ROBO2: variants seen among roughly 807,000 people sequenced by gnomAD.
ROBO2 encodes roundabout homolog 2.
Under a neutral mutation model 160.8 loss-of-function variants are expected in ROBO2, and 53 were observed. That is an observed-to-expected ratio of 0.33 (90% CI 0.26 to 0.41). ROBO2 has a LOEUF of 0.41. Among genes scored for constraint, ROBO2 ranks in the 10% least tolerant of loss-of-function variants. ROBO2 has a pLI of 1.00. For missense variants in ROBO2, 1,577 were observed against 1,722.4 expected, an observed-to-expected ratio of 0.92 and a Z score of 1.49; for synonymous variants, 664 against 611.7, an observed-to-expected ratio of 1.09 and a Z score of -1.26.
intron 1 of ROBO2, among the ~76,000 whole-genome samples, chr3:77,053,343 AT>A (rs1481600232): frequency 6.6e-6 from 1 of 152,222 alleles, no homozygotes; most frequent in South Asian, 2.1e-4. Context: ...TTTTAAACTT[AT>A]TTTTTATATA....
chr3:77,269,774 T>G (rs778330557), intron 2 of ROBO2, among the ~76,000 whole-genome samples: 1 of 152,184 alleles, frequency 6.6e-6, no homozygotes, highest in African/African-American at 2.4e-5. Context: ...ATATTCTGCT[T>G]ACCATGTATT....
At chr3:76,035,619 T>G (rs540719413) in intron 2 of ROBO2, among the ~76,000 whole-genome samples, 185 of 152,080 alleles carry the variant, frequency 1.2e-3, no homozygotes, top group Non-Finnish European at 2.2e-3. Flanking sequence ...TTTGATGTGC[T>G]TGCTTTCCAA....
At chr3:77,459,944 G>A (rs1295834047) in intron 2 of ROBO2, among the ~76,000 whole-genome samples, 22 of 127,530 alleles carry the variant, frequency 1.7e-4, no homozygotes, top group Non-Finnish European at 5.4e-5. Flanking sequence ...GGGTGGTGGA[G>A]TGGGTGGGGG....
At chr3:76,797,320 A>T (rs1340598106) in intron 2 of ROBO2, among the ~76,000 whole-genome samples, 3 of 152,170 alleles carry the variant, frequency 2.0e-5, no homozygotes, top group Admixed American at 6.5e-5. Context: ...GAAATTAAAC[A>T]ATGTCCTCTT....
intron 2 of ROBO2, among the ~76,000 whole-genome samples, chr3:76,858,837 T>C (rs934048106): frequency 6.6e-6 from 1 of 152,184 alleles, no homozygotes; most frequent in Admixed American, 6.5e-5. Flanking sequence ...GTATCAACTT[T>C]GGTGGAGCAG....
chr3:77,036,154 A>G (rs1323492240), upstream of ROBO2, among the ~76,000 whole-genome samples: 1 of 151,938 alleles, frequency 6.6e-6, no homozygotes, highest in Non-Finnish European at 1.5e-5. Flanking sequence ...CCTTTCATTA[A>G]CTTGGGTTGA....
intron 2 of ROBO2, among the ~76,000 whole-genome samples, chr3:77,033,641 ATTGTCT>A (rs552567816): frequency 6.6e-6 from 1 of 152,158 alleles, no homozygotes; most frequent in Non-Finnish European, 1.5e-5. Context: ...TTCCATTGAC[ATTGTCT>A]ATACTAGTCA....
intron 2 of ROBO2, among the ~76,000 whole-genome samples, chr3:76,849,872 C>T (rs540049151): frequency 6.6e-6 from 1 of 152,112 alleles, no homozygotes; most frequent in African/African-American, 2.4e-5. Context: ...TGTGCTAGCT[C>T]CTAGGATACA....
chr3:76,944,853 G>T (rs1466743099), intron 2 of ROBO2, among the ~76,000 whole-genome samples: 1 of 151,674 alleles, frequency 6.6e-6, no homozygotes, highest in African/African-American at 2.4e-5. Flanking sequence ...CTGCCAGCAG[G>T]TCCTGTGGCC....
At chr3:76,499,446 T>C (rs2080341395) in intron 2 of ROBO2, among the ~76,000 whole-genome samples, 1 of 152,154 alleles carries the variant, frequency 6.6e-6, no homozygotes, top group South Asian at 2.1e-4. Flanking sequence ...CTTCATCATC[T>C]GGAGAATACA....
At chr3:76,555,322 A>C (rs2083641100) in intron 2 of ROBO2, among the ~76,000 whole-genome samples, 1 of 142,912 alleles carries the variant, frequency 7.0e-6, no homozygotes, top group South Asian at 2.4e-4. Context: ...AGCATGTCAA[A>C]AAAGAAGAAG....
chr3:76,179,952 A>G (rs141179895), intron 2 of ROBO2, among the ~76,000 whole-genome samples: 91 of 152,276 alleles, frequency 6.0e-4, no homozygotes, highest in African/African-American at 2.1e-3. Flanking sequence ...TAGAACCGGT[A>G]CCTGATTTAG....
intron 1 of ROBO2, among the ~76,000 whole-genome samples, chr3:75,919,482 T>C (rs993259011): frequency 6.6e-6 from 1 of 152,234 alleles, no homozygotes; most frequent in African/African-American, 2.4e-5. Context: ...GTCAGTGATA[T>C]TGGCCTGAAA....
chr3:76,813,576 A>AT (rs1212529959), intron 2 of ROBO2, among the ~76,000 whole-genome samples: 4 of 152,176 alleles, frequency 2.6e-5, no homozygotes, highest in Admixed American at 1.3e-4. Context: ...ATACGAAGTA[A>AT]CTATTCCCAA....
chr3:77,163,364 A>G (rs1381695750), intron 2 of ROBO2, among the ~76,000 whole-genome samples: 2 of 152,206 alleles, frequency 1.3e-5, no homozygotes, highest in South Asian at 2.1e-4. Flanking sequence ...AGAAATTTCT[A>G]TTCATTCATG....
chr3:76,126,773 A>C (rs148511348), intron 2 of ROBO2, among the ~76,000 whole-genome samples: 9 of 152,264 alleles, frequency 5.9e-5, no homozygotes, highest in African/African-American at 1.7e-4. Flanking sequence ...ACTATTGGAT[A>C]TTCATTATTA....
intron 2 of ROBO2, among the ~76,000 whole-genome samples, chr3:76,470,186 A>G (rs954006176): frequency 2.0e-5 from 3 of 152,136 alleles, no homozygotes; most frequent in African/African-American, 7.2e-5. Flanking sequence ...TCTTTGTTTT[A>G]TCATTGCTAT....
intron 2 of ROBO2, among the ~76,000 whole-genome samples, chr3:76,806,696 A>G (rs1264937054): frequency 6.6e-6 from 1 of 152,040 alleles, no homozygotes; most frequent in East Asian, 1.9e-4. Flanking sequence ...TTCAGTCTAC[A>G]TTAGAGAAAT....
intron 2 of ROBO2, among the ~76,000 whole-genome samples, chr3:76,136,853 C>A (rs2071445873): frequency 6.6e-6 from 1 of 152,018 alleles, no homozygotes; most frequent in Admixed American, 6.6e-5. Flanking sequence ...GCTTTCCAGT[C>A]ACCGTCACAA....
Sources: gnomAD v4.1 joint callset for allele counts (sites outside exome capture counted in the v4.1 genomes callset) on GRCh38, gnomAD v4.1.1 for gene constraint, MANE v1.5 for transcripts, NCBI Gene and HGNC (gene_info 2026-07-23, HGNC 2026-07-21) for gene names.